Variants in ZC3H18 observed in about 807,000 individuals in gnomAD.
ZC3H18 encodes zinc finger CCCH domain-containing protein 18.
A neutral mutation model predicts 106.1 loss-of-function variants in ZC3H18; 8 were observed. The observed-to-expected ratio is 0.08, with a 90% confidence interval of 0.04 to 0.14. The LOEUF is 0.14. Among genes scored for constraint, ZC3H18 ranks in the 10% least tolerant of loss-of-function variants. ZC3H18 has a pLI of 1.00. For missense variants in ZC3H18, 1,318 were observed against 1,278.4 expected, an observed-to-expected ratio of 1.03 and a Z score of -0.47; for synonymous variants, 635 against 522.1, an observed-to-expected ratio of 1.22 and a Z score of -2.95.
intron 9 of ZC3H18, 25 bp downstream of exon 9, chr16:88,622,413 G>A (rs76487412): frequency 2.1e-5 from 33 of 1,577,966 alleles, no homozygotes; most frequent in Non-Finnish European, 2.5e-5. Flanking sequence ...TGGGACGGCT[G>A]GGGTGTCAGC....
chr16:88,612,178 T>C (rs961029504), intron 8 of ZC3H18, among the ~76,000 whole-genome samples: 9 of 152,204 alleles, frequency 5.9e-5, no homozygotes, highest in Admixed American at 1.3e-4. Context: ...TATACTTGAC[T>C]GTTAGAGCAG....
At chr16:88,621,124 A>T (rs191203027) in intron 8 of ZC3H18, among the ~76,000 whole-genome samples, 1 of 152,278 alleles carries the variant, frequency 6.6e-6, no homozygotes, top group Admixed American at 6.5e-5. Flanking sequence ...AGCTCACTAC[A>T]ACCTCCGCCT....
chr16:88,613,653 G>A (rs764224549), intron 8 of ZC3H18, among the ~76,000 whole-genome samples: 2 of 152,160 alleles, frequency 1.3e-5, no homozygotes, highest in Admixed American at 6.5e-5. Flanking sequence ...TTGGAGAAAC[G>A]CCTATTCAGA....
At chr16:88,597,238 T>G (rs1472569862) in intron 3 of ZC3H18, among the ~76,000 whole-genome samples, 1 of 152,244 alleles carries the variant, frequency 6.6e-6, no homozygotes, top group African/African-American at 2.4e-5. Context: ...TAAAAATTAC[T>G]TGTCATTTTT....
chr16:88,618,724 G>A (rs1905774774), intron 8 of ZC3H18, among the ~76,000 whole-genome samples: 1 of 152,204 alleles, frequency 6.6e-6, no homozygotes, highest in Non-Finnish European at 1.5e-5. Flanking sequence ...GGGGCCAGAT[G>A]ATAGCGCGGG....
Position 88,586,602 on chromosome 16 carries a change from T to G in ZC3H18, c.606T>G (p.Asp202Glu). 6.2e-7 allele frequency: 1 copy of G among 1,614,106 alleles called. No individual in the cohort carries two copies. Among genetic ancestry groups the G allele is most frequent in the Non-Finnish European group, 8.5e-7 (1 of 1,179,938 alleles). The change falls in exon 3 of 18, where the codon GAT (aspartate) becomes GAG (glutamate). Residue 202 changes from aspartate (D) to glutamate (E), a missense_variant and splice_region_variant. Asp to Glu is a conservative substitution (Grantham distance 45, BLOSUM62 2). Around this residue, in one of 6 missense-constraint regions of ZC3H18, gnomAD observed 346 missense variants for 269.0 expected, o/e 1.29. Coordinates refer to ENST00000301011, the MANE Select transcript of ZC3H18 (RefSeq NM_144604.4). ...TAAGACGGTGTTCTCTGTTTCAGGA[T>G]GATGACCTGGAAGAAGGTGAAGTGA... ...DGEIDDGEIDDDDLEEGEVKD... is the reference protein window; with the variant it reads ...DGEIDDGEIDEDDLEEGEVKD...
At chr16:88,576,987 T>C in intron 1 of ZC3H18, 123 bp from the exon 2 acceptor site, 6 of 937,700 alleles carry the variant, frequency 6.4e-6, no homozygotes, top group South Asian at 2.0e-5. Flanking sequence ...AGTGTGGGAT[T>C]TGGGGCAGGG....
chr16:88,623,693 TCTC>T (rs1906112703), intron 10 of ZC3H18: 3 of 584,552 alleles, frequency 5.1e-6, no homozygotes, highest in South Asian at 2.5e-5. Context: ...AAGGAGCCTG[TCTC>T]CTCCTGTCCT....
chr16:88,572,700 C>T (rs944115775), intron 1 of ZC3H18, among the ~76,000 whole-genome samples: 2 of 152,034 alleles, frequency 1.3e-5, no homozygotes, highest in South Asian at 2.1e-4. Flanking sequence ...ACTGACACCC[C>T]TGTCTACACT....
intron 3 of ZC3H18, among the ~76,000 whole-genome samples, chr16:88,595,708 G>GAGGC (rs1227743704): frequency 6.6e-6 from 1 of 151,406 alleles, no homozygotes; most frequent in Non-Finnish European, 1.5e-5. Flanking sequence ...TCGGGAGGCT[G>GAGGC]AGGCAGGAGA....
intron 2 of ZC3H18, among the ~76,000 whole-genome samples, chr16:88,579,714 C>T (rs760658836): frequency 6.6e-6 from 1 of 152,158 alleles, no homozygotes; most frequent in Non-Finnish European, 1.5e-5. Context: ...GTGAGGGGAC[C>T]CACAGTTGAA....
intron 2 of ZC3H18, among the ~76,000 whole-genome samples, chr16:88,585,392 C>T (rs1461620184): frequency 1.3e-5 from 2 of 152,222 alleles, no homozygotes; most frequent in African/African-American, 4.8e-5. Context: ...GAGCCAGATG[C>T]TGCCTGGGCC....
intron 16 of ZC3H18, among the ~76,000 whole-genome samples, chr16:88,629,646 G>C (rs192775659): frequency 3.3e-5 from 5 of 152,152 alleles, no homozygotes; most frequent in Non-Finnish European, 5.9e-5. Context: ...ACTGAGTGAC[G>C]AGGCAGATAG....
Position 88,577,236 on chromosome 16 carries a change from T to C in ZC3H18, c.113T>C (p.Leu38Ser). ...AGGGACAGCGGGTCCGATCAGGATTTGGACGGGGCGGGGGTGAGGGCTTCT... is the reference window on the plus strand; with the variant it reads ...AGGGACAGCGGGTCCGATCAGGATTCGGACGGGGCGGGGGTGAGGGCTTCT... ...ILRDSGSDQD[L>S]DGAGVRASDL... is the part of the protein sequence containing the mutation. The change falls in exon 2 of 18, where the codon TTG (leucine) becomes TCG (serine). Residue 38 changes from leucine (L) to serine (S), a missense_variant. Transcript: ENST00000301011. The C allele has an allele frequency of 6.2e-7, 1 of 1,612,524 alleles. No homozygotes were observed. Among genetic ancestry groups the C allele is most frequent in the South Asian group, 1.1e-5 (1 of 90,924 alleles).
chr16:88,621,544 C>T (rs1019438379), intron 8 of ZC3H18, among the ~76,000 whole-genome samples: 1 of 151,542 alleles, frequency 6.6e-6, no homozygotes, highest in African/African-American at 2.4e-5. Flanking sequence ...TCTTAGTAGA[C>T]ATGGAGTTTC....
Position 88,611,524 on chromosome 16 carries a change from C to A in ZC3H18, c.1463C>A (p.Pro488Gln). ...KEKGKPKPRS[P>Q]QPPSRQAEPP... is the part of the protein sequence containing the mutation. ...AAGGGGAAGCCCAAGCCCCGCTCCC[C>A]GCAGCCGCCAAGGTAGACCCTGCTT... Residue 488 changes from proline (P) to glutamine (Q), a missense_variant, in exon 8 of 18, where the codon CCG (proline) becomes CAG (glutamine). Physicochemically the swap from Pro to Gln is moderately conservative, Grantham distance 76. This residue lies in a region of ZC3H18 where 848 missense variants were observed against 821.7 expected (regional missense o/e 1.03). Transcript: ENST00000301011. The A allele has an allele frequency of 6.5e-7, 1 of 1,549,912 alleles. No individual in the cohort carries two copies. Among genetic ancestry groups the A allele is most frequent in the South Asian group, 1.2e-5 (1 of 83,966 alleles).
Position 88,611,401 on chromosome 16 carries a change from A to T in ZC3H18, c.1340A>T (p.Gln447Leu). Residue 447 changes from glutamine to leucine, a missense_variant, in exon 8 of 18, where the codon CAG becomes CTG. Coordinates refer to ENST00000301011, the MANE Select transcript of ZC3H18 (RefSeq NM_144604.4). ...GAGCGCGAGCGCGACAAGGAGCGGCAGCGGAGGAAGGAGGAGTGGGAGCGT... is the reference window on the plus strand; with the variant it reads ...GAGCGCGAGCGCGACAAGGAGCGGCTGCGGAGGAAGGAGGAGTGGGAGCGT... Reference protein sequence around the residue: ...ERERERDKERQRRKEEWERER... With the variant: ...ERERERDKERLRRKEEWERER... 8.1e-7 allele frequency: 1 copy of T among 1,233,804 alleles called. No individual in the cohort carries two copies. The highest frequency in any genetic ancestry group is 1.5e-5 in the African/African-American group (1 of 66,948). 76.4% of individuals were successfully genotyped at this position (1,233,804 alleles called of 1,614,324 possible). A position where few individuals can be genotyped will look rare whatever the true frequency, so the allele number is the denominator to read the frequency against.
intron 3 of ZC3H18, among the ~76,000 whole-genome samples, chr16:88,591,311 GC>G (rs1567582928): frequency 6.6e-6 from 1 of 151,358 alleles, no homozygotes; most frequent in African/African-American, 2.4e-5. Context: ...GGTGGCTGAT[GC>G]CTGTAATCAT....
intron 2 of ZC3H18, among the ~76,000 whole-genome samples, chr16:88,580,657 A>G (rs983361630): frequency 2.0e-5 from 3 of 152,026 alleles, no homozygotes; most frequent in African/African-American, 4.8e-5. Flanking sequence ...GCCCTGCTGC[A>G]TTCCTGCCCC....
Sources: gnomAD v4.1 joint callset for allele counts (sites outside exome capture counted in the v4.1 genomes callset) on GRCh38, gnomAD v4.1.1 for gene constraint, gnomAD v4.1.1 regional missense constraint, MANE v1.5 for transcripts, NCBI Gene and HGNC (gene_info 2026-07-23, HGNC 2026-07-21) for gene names.